The following PRLR variants were observed in gnomAD, a reference collection of about 807,000 sequenced individuals.
The protein encoded by PRLR is hPRL receptor.
Under a neutral mutation model 40.2 loss-of-function variants are expected in PRLR, and 13 were observed. That is an observed-to-expected ratio of 0.32 (90% CI 0.21 to 0.51). The LOEUF is 0.51. PRLR is among the 20% of genes least tolerant of loss of function. PRLR has a pLI of 0.97. For synonymous variants in PRLR, 269 were observed against 278.7 expected (o/e 0.97, Z 0.35); for missense variants, 656 against 747.3 (o/e 0.88, Z 1.42).
At chr5:35,102,724 GTAGA>G (rs1206768007) in intron 2 of PRLR, among the ~76,000 whole-genome samples, 1 of 152,054 alleles carries the variant, frequency 6.6e-6, no homozygotes, top group Non-Finnish European at 1.5e-5. Flanking sequence ...TGTGTTTTTA[GTAGA>G]GATGGGGTTT....
intron 5 of PRLR, 134 bp from the exon 6 acceptor site, chr5:35,072,878 C>T (rs1579578883): frequency 1.7e-5 from 18 of 1,034,754 alleles, no homozygotes; most frequent in Non-Finnish European, 2.3e-5. Context: ...CCCCAAATAC[C>T]CGGGCCTTTT....
intron 1 of PRLR, among the ~76,000 whole-genome samples, chr5:35,166,676 A>T (rs974735475): frequency 2.0e-5 from 3 of 152,172 alleles, no homozygotes; most frequent in Non-Finnish European, 4.4e-5. Flanking sequence ...TACTCCACAA[A>T]AAATGAGGGT....
chr5:35,207,113 T>G (rs1776042764), intron 1 of PRLR, among the ~76,000 whole-genome samples: 1 of 152,122 alleles, frequency 6.6e-6, no homozygotes, highest in Non-Finnish European at 1.5e-5. Context: ...GTGTTCTTCT[T>G]GAAATTGATA....
intron 1 of PRLR, among the ~76,000 whole-genome samples, chr5:35,208,976 C>G (rs1050943239): frequency 6.6e-6 from 1 of 152,052 alleles, no homozygotes; most frequent in African/African-American, 2.4e-5. Flanking sequence ...GAATGTTATA[C>G]AAGCTTAAAA....
At chr5:35,201,278 T>C (rs1775877515) in intron 1 of PRLR, among the ~76,000 whole-genome samples, 1 of 152,204 alleles carries the variant, frequency 6.6e-6, no homozygotes, top group Non-Finnish European at 1.5e-5. Flanking sequence ...TATTGATGTC[T>C]AGTAAGGGAT....
rs1776585031 is a variant in PRLR, at chr5:35,227,649, T to C, written c.-106+2619A>G. Among the ~76,000 whole-genome samples, 3 of 152,352 alleles carry C rather than the reference T, an allele frequency of 2.0e-5. No homozygotes were observed. In the South Asian group the frequency reaches 6.2e-4, roughly 32 times the overall value. ...TGTGGATATCCAATTTCCTTTTAAG[T>C]TTCCGATGTTTCCTTCTTTCATTGC... On this transcript the variant is annotated intron_variant, in intron 1 of 9. Transcript: ENST00000618457.
At chr5:35,100,890 C>G (rs961558534) in intron 2 of PRLR, among the ~76,000 whole-genome samples, 5 of 152,146 alleles carry the variant, frequency 3.3e-5, no homozygotes, top group South Asian at 4.1e-4. Flanking sequence ...ATGCTGACCA[C>G]CAGCAAACTG....
At chr5:35,214,865 C>T (rs1284869303) in intron 1 of PRLR, among the ~76,000 whole-genome samples, 1 of 152,180 alleles carries the variant, frequency 6.6e-6, no homozygotes, top group African/African-American at 2.4e-5. Context: ...AGAAAGTATG[C>T]ACACAAATAA....
At chr5:35,166,570 G>A (rs1774839467) in intron 1 of PRLR, among the ~76,000 whole-genome samples, 1 of 152,050 alleles carries the variant, frequency 6.6e-6, no homozygotes, top group African/African-American at 2.4e-5. Flanking sequence ...GACTGATTTT[G>A]CCAATATCTT....
At chr5:35,141,230 A>G (rs1774015245) in intron 1 of PRLR, among the ~76,000 whole-genome samples, 1 of 147,182 alleles carries the variant, frequency 6.8e-6, no homozygotes. Flanking sequence ...GGATTCCTTA[A>G]TACCTGAAAA....
chr5:35,134,869 C>T (rs1773803874), intron 1 of PRLR, among the ~76,000 whole-genome samples: 1 of 152,292 alleles, frequency 6.6e-6, no homozygotes, highest in South Asian at 2.1e-4. Context: ...GCGTGGGGTG[C>T]CGCCTGAGGG....
At chr5:35,164,208 T>C (rs1317401410) in intron 1 of PRLR, among the ~76,000 whole-genome samples, 8 of 152,314 alleles carry the variant, frequency 5.3e-5, no homozygotes, top group African/African-American at 1.9e-4. Context: ...AAAGACTATA[T>C]AAAGAATGGA....
chr5:35,149,664 A>G (rs937865618), intron 1 of PRLR, among the ~76,000 whole-genome samples: 15 of 152,178 alleles, frequency 9.9e-5, no homozygotes, highest in African/African-American at 2.9e-4. Context: ...AGATACTACA[A>G]TATTTGTAGT....
At chr5:35,166,127 A>AGTC (rs1774819440) in intron 1 of PRLR, among the ~76,000 whole-genome samples, 10 of 152,204 alleles carry the variant, frequency 6.6e-5, no homozygotes, top group Admixed American at 6.5e-4. Flanking sequence ...AGAACAAGAC[A>AGTC]TGCTTGGAGA....
downstream of PRLR, among the ~76,000 whole-genome samples, chr5:35,053,021 C>CT (rs1212053766): frequency 6.6e-6 from 1 of 152,186 alleles, no homozygotes; most frequent in Non-Finnish European, 1.5e-5. Flanking sequence ...TTGTCAGTGA[C>CT]TTTTAGTGAA....
At chr5:35,110,313 T>C (rs1203829325) in intron 2 of PRLR, among the ~76,000 whole-genome samples, 1 of 151,926 alleles carries the variant, frequency 6.6e-6, no homozygotes, top group Non-Finnish European at 1.5e-5. Flanking sequence ...TGTATACATA[T>C]GTAACAAACC....
intron 1 of PRLR, among the ~76,000 whole-genome samples, chr5:35,121,968 C>T (rs111420413): frequency 1.0e-3 from 154 of 152,244 alleles, no homozygotes; most frequent in African/African-American, 3.5e-3. Context: ...AGGTCAAGTC[C>T]ATGCTCTGAA....
intron 2 of PRLR, among the ~76,000 whole-genome samples, chr5:35,091,117 G>C (rs994362002): frequency 2.0e-5 from 3 of 152,080 alleles, no homozygotes; most frequent in African/African-American, 7.2e-5. Flanking sequence ...CGGCCAAGTA[G>C]CTCTTTCATA....
intron 1 of PRLR, among the ~76,000 whole-genome samples, chr5:35,178,594 T>C (rs947852254): frequency 6.6e-6 from 1 of 152,160 alleles, no homozygotes; most frequent in Admixed American, 6.5e-5. Flanking sequence ...ACTAGCAAAG[T>C]TTGCTCTATG....
Sources: allele counts gnomAD v4.1 joint callset (sites outside exome capture counted in the v4.1 genomes callset), GRCh38; gene constraint gnomAD v4.1.1; transcripts MANE v1.5; gene names NCBI Gene and HGNC (gene_info 2026-07-23, HGNC 2026-07-21).